Variants in RASSF8 observed in about 807,000 individuals in gnomAD.
The protein encoded by RASSF8 is ras association domain-containing protein 8.
RASSF8 carries 22 observed loss-of-function variants against 48.5 expected under a neutral mutation model. The observed-to-expected ratio is 0.45, with a 90% CI of 0.32 to 0.65. RASSF8 has a LOEUF of 0.65. RASSF8 is among the 30% of genes least tolerant of loss of function. RASSF8 has a pLI of 0.03. For missense variants in RASSF8, 418 were observed against 489.2 expected (o/e 0.85, Z 1.37); for synonymous variants, 127 against 171.5 (o/e 0.74, Z 2.03).
At chr12:26,043,843 C>T (rs891785050) in intron 2 of RASSF8, among the ~76,000 whole-genome samples, 3 of 152,066 alleles carry the variant, frequency 2.0e-5, no homozygotes. Context: ...TGATGCAGTC[C>T]GTTTATAGAG....
intron 2 of RASSF8, among the ~76,000 whole-genome samples, chr12:26,005,741 A>G (rs1942375633): frequency 6.6e-6 from 1 of 152,178 alleles, no homozygotes. Flanking sequence ...ATTGCCACAT[A>G]ATACCATATT....
intron 3 of RASSF8, among the ~76,000 whole-genome samples, chr12:26,055,855 C>T (rs1395604160): frequency 2.0e-5 from 3 of 152,192 alleles, no homozygotes; most frequent in Non-Finnish European, 2.9e-5. Flanking sequence ...AATGAAATAA[C>T]ATCGTTCTTC....
At chr12:26,054,435 G>T (rs1264563273) in intron 2 of RASSF8, among the ~76,000 whole-genome samples, 2 of 152,142 alleles carry the variant, frequency 1.3e-5, no homozygotes, top group Non-Finnish European at 2.9e-5. Flanking sequence ...TATATTTTTT[G>T]AATAACTCTT....
Position 26,079,244 on chromosome 12 carries a change from A to G in RASSF8, c.*171A>G, listed in dbSNP as rs1391738612. The G allele has an allele frequency of 1.5e-5, 7 of 470,394 alleles. No individual in the cohort carries two copies. In the East Asian group the frequency reaches 2.0e-4, roughly 14 times the overall value. 29.1% of individuals were successfully genotyped at this position (470,394 alleles called of 1,614,324 possible). ...CTGGTAAGGGTTTAATATCCAAACT[A>G]TATAAGGAACTCACAGAACTTAAAG... is the stretch of plus-strand genomic sequence containing the variant. On this transcript the variant is annotated 3_prime_UTR_variant, in exon 6 of 6. Transcript: ENST00000381352.
intron 1 of RASSF8, among the ~76,000 whole-genome samples, chr12:25,987,840 G>GT (rs1185677363): frequency 2.0e-5 from 3 of 151,714 alleles, no homozygotes; most frequent in African/African-American, 7.3e-5. Context: ...TTAATTTTTG[G>GT]TTTTTTATTA....
chr12:25,971,232 C>T (rs1225440811), intron 1 of RASSF8, among the ~76,000 whole-genome samples: 1 of 152,170 alleles, frequency 6.6e-6, no homozygotes, highest in Admixed American at 6.5e-5. Context: ...TAAAATGGAG[C>T]AGCTTTGTCT....
intron 2 of RASSF8, among the ~76,000 whole-genome samples, chr12:26,035,632 A>G (rs1943130435): frequency 7.0e-6 from 1 of 143,468 alleles, no homozygotes; most frequent in Non-Finnish European, 1.5e-5. Context: ...ATAATTATAT[A>G]ATTTCACCTT....
chr12:26,025,952 A>G (rs1942903548), intron 2 of RASSF8, among the ~76,000 whole-genome samples: 4 of 152,160 alleles, frequency 2.6e-5, no homozygotes, highest in Admixed American at 6.5e-5. Flanking sequence ...CAAAAGAGTG[A>G]AGTTAGCCCC....
At chr12:26,019,915 T>G (rs1377749293) in intron 2 of RASSF8, among the ~76,000 whole-genome samples, 1 of 152,144 alleles carries the variant, frequency 6.6e-6, no homozygotes, top group Non-Finnish European at 1.5e-5. Context: ...ACTATGTGTC[T>G]CTGAGGTACC....
At chr12:25,970,996 T>A (rs184788500) in intron 1 of RASSF8, among the ~76,000 whole-genome samples, 3 of 152,338 alleles carry the variant, frequency 2.0e-5, no homozygotes, top group Admixed American at 1.3e-4. Context: ...CTATATCATA[T>A]GCATACATAG....
chr12:26,023,328 C>CA (rs1209176607), intron 2 of RASSF8, among the ~76,000 whole-genome samples: 4 of 151,940 alleles, frequency 2.6e-5, no homozygotes, highest in Non-Finnish European at 5.9e-5. Flanking sequence ...AAGATAAACA[C>CA]AAAGAGACAC....
chr12:25,961,565 G>T (rs551479115), intron 1 of RASSF8, among the ~76,000 whole-genome samples: 1 of 152,290 alleles, frequency 6.6e-6, no homozygotes, highest in East Asian at 1.9e-4. Flanking sequence ...GGTTGCACGT[G>T]TGACTTTGTC....
chr12:26,010,984 C>T (rs1042003683), intron 2 of RASSF8, among the ~76,000 whole-genome samples: 3 of 152,120 alleles, frequency 2.0e-5, no homozygotes, highest in African/African-American at 7.2e-5. Flanking sequence ...ATCTTTCCTT[C>T]CTTGGAATCC....
intron 1 of RASSF8, among the ~76,000 whole-genome samples, chr12:25,989,208 T>A (rs1454963710): frequency 1.3e-5 from 2 of 152,224 alleles, no homozygotes; most frequent in African/African-American, 4.8e-5. Flanking sequence ...TTTCTCATAA[T>A]CACTGGGTCA....
intron 2 of RASSF8, among the ~76,000 whole-genome samples, chr12:26,034,277 G>C (rs936497338): frequency 6.6e-6 from 1 of 152,058 alleles, no homozygotes; most frequent in African/African-American, 2.4e-5. Context: ...TAAGTCCACA[G>C]GGGCAGGACA....
chr12:26,028,290 A>G (rs1056406326), intron 2 of RASSF8, among the ~76,000 whole-genome samples: 1 of 152,176 alleles, frequency 6.6e-6, no homozygotes, highest in South Asian at 2.1e-4. Context: ...TACTTTTCCT[A>G]TGTAGTTAGA....
chr12:25,967,357 C>CT (rs1941383372), intron 1 of RASSF8, among the ~76,000 whole-genome samples: 2 of 152,282 alleles, frequency 1.3e-5, no homozygotes, highest in East Asian at 1.9e-4. Context: ...TACCTTATCC[C>CT]TTTTAACTAA....
At chr12:25,970,751 C>T (rs1351792549) in intron 1 of RASSF8, among the ~76,000 whole-genome samples, 1 of 152,172 alleles carries the variant, frequency 6.6e-6, no homozygotes, top group African/African-American at 2.4e-5. Flanking sequence ...GCTTGTCTGC[C>T]CTCCCATCCC....
At chr12:25,964,413 T>C (rs1164905324) in intron 1 of RASSF8, among the ~76,000 whole-genome samples, 1 of 152,208 alleles carries the variant, frequency 6.6e-6, no homozygotes, top group Non-Finnish European at 1.5e-5. Flanking sequence ...TTTTACTCTT[T>C]GTTTTAAAAA....
Sources: allele counts gnomAD v4.1 joint callset (sites outside exome capture counted in the v4.1 genomes callset), GRCh38; gene constraint gnomAD v4.1.1; transcripts MANE v1.5; gene names NCBI Gene and HGNC (gene_info 2026-07-23, HGNC 2026-07-21).